Variants in DGKB observed in about 807,000 individuals in gnomAD.
DGKB encodes 90 kDa diacylglycerol kinase.
Under a neutral mutation model 114.3 loss-of-function variants are expected in DGKB, and 67 were observed. The observed-to-expected ratio is 0.59, with a 90% CI of 0.48 to 0.72. DGKB has a LOEUF of 0.72. Ranked by LOEUF, DGKB falls within the 30% of genes least tolerant of loss-of-function variation. The pLI, the probability that DGKB is intolerant of heterozygous loss-of-function variation, is 0.00. For missense variants in DGKB, 907 were observed against 975.2 expected (o/e 0.93, Z 0.93); for synonymous variants, 398 against 323.1 (o/e 1.23, Z -2.49).
chr7:14,676,579 T>A (rs1819895647), intron 12 of DGKB, among the ~76,000 whole-genome samples: 1 of 151,914 alleles, frequency 6.6e-6, no homozygotes, highest in African/African-American at 2.4e-5. Context: ...AAATTAAAAA[T>A]AAAAAAATTA....
Position 14,794,647 on chromosome 7 carries a change from G to A in DGKB, c.71-36916C>T, listed in dbSNP as rs1354900899. Among the ~76,000 whole-genome samples the A allele has an allele frequency of 3.3e-5, 5 of 152,138 alleles. 1 individual carries two copies. The East Asian group carries it at 9.6e-4, about 29-fold the overall frequency. ...GAAATTGTCAAAAATCCAAAGCAGA[G>A]CATTATCTTGCAACTGGCTGAATTA... On this transcript the variant is annotated intron_variant, in intron 2 of 25. Transcript: ENST00000402815.
At chr7:14,538,988 G>A (rs569627013) in intron 20 of DGKB, among the ~76,000 whole-genome samples, 2 of 152,202 alleles carry the variant, frequency 1.3e-5, no homozygotes, top group Admixed American at 6.5e-5. Flanking sequence ...GGTGGGATAT[G>A]GGGAGCTGTT....
intron 20 of DGKB, among the ~76,000 whole-genome samples, chr7:14,560,753 C>G (rs547732568): frequency 6.6e-6 from 1 of 152,124 alleles, no homozygotes; most frequent in Non-Finnish European, 1.5e-5. Context: ...TACAACAGTT[C>G]TATTTTTCAT....
chr7:14,918,112 A>G (rs1784329086), intron 1 of DGKB, among the ~76,000 whole-genome samples: 1 of 152,186 alleles, frequency 6.6e-6, no homozygotes, highest in African/African-American at 2.4e-5. Flanking sequence ...TATTTGATAA[A>G]GAATATCTAC....
chr7:14,425,304 A>G (rs564646271), intron 21 of DGKB, among the ~76,000 whole-genome samples: 2 of 152,222 alleles, frequency 1.3e-5, no homozygotes, highest in African/African-American at 4.8e-5. Context: ...GAATCTTTGC[A>G]ATGTACCATT....
intron 6 of DGKB, among the ~76,000 whole-genome samples, chr7:14,707,344 G>C (rs900575389): frequency 3.4e-4 from 51 of 150,206 alleles, no homozygotes; most frequent in Middle Eastern, 6.9e-3. Flanking sequence ...CAACCAAAAA[G>C]AGTCCAGGGC....
chr7:14,262,266 T>C (rs955231896), intron 23 of DGKB, among the ~76,000 whole-genome samples: 2 of 152,198 alleles, frequency 1.3e-5, no homozygotes, highest in African/African-American at 4.8e-5. Flanking sequence ...TTTGAATGTT[T>C]ATGTCCCCTC....
chr7:14,271,821 G>C (rs1238949869), intron 23 of DGKB, among the ~76,000 whole-genome samples: 1 of 152,134 alleles, frequency 6.6e-6, no homozygotes, highest in Non-Finnish European at 1.5e-5. Context: ...GGTGCCAAGG[G>C]GGCGAGGGTA....
chr7:14,795,778 T>C (rs1020145752), intron 2 of DGKB, among the ~76,000 whole-genome samples: 4 of 152,312 alleles, frequency 2.6e-5, no homozygotes, highest in African/African-American at 9.6e-5. Context: ...GGACTAGGCT[T>C]ACTGATTATG....
At chr7:14,790,212 T>G (rs1840473490) in intron 2 of DGKB, among the ~76,000 whole-genome samples, 1 of 152,206 alleles carries the variant, frequency 6.6e-6, no homozygotes, top group Non-Finnish European at 1.5e-5. Flanking sequence ...TTTATATGTG[T>G]TTTCCAAGTA....
chr7:14,923,922 G>A (rs2128248150), intron 1 of DGKB, among the ~76,000 whole-genome samples: 1 of 145,792 alleles, frequency 6.9e-6, no homozygotes, highest in East Asian at 2.3e-4. Context: ...TTGAACCCGG[G>A]AGGCGGAGGT....
At chr7:14,568,999 G>A (rs752408085) in intron 20 of DGKB, among the ~76,000 whole-genome samples, 10 of 152,096 alleles carry the variant, frequency 6.6e-5, no homozygotes, top group Admixed American at 2.0e-4. Context: ...CATCCCATAT[G>A]CTTTAAATCC....
At chr7:14,904,462 A>G (rs576777120), upstream of DGKB, among the ~76,000 whole-genome samples, 4 of 152,310 alleles carry the variant, frequency 2.6e-5, no homozygotes, top group South Asian at 4.1e-4. Flanking sequence ...GAAAGAAAAT[A>G]TAAGAAAAGA....
At chr7:14,372,809 T>G (rs1296786580) in intron 21 of DGKB, among the ~76,000 whole-genome samples, 1 of 152,188 alleles carries the variant, frequency 6.6e-6, no homozygotes, top group East Asian at 1.9e-4. Context: ...AAGGATTTAT[T>G]CAAGTTTATC....
intron 4 of DGKB, among the ~76,000 whole-genome samples, chr7:14,737,172 G>A (rs1342627677): frequency 6.6e-6 from 1 of 151,972 alleles, no homozygotes; most frequent in Non-Finnish European, 1.5e-5. Flanking sequence ...CTATCCAGTA[G>A]GGCATTTGAA....
chr7:14,342,276 C>CA (rs1562971055), intron 22 of DGKB, among the ~76,000 whole-genome samples: 1 of 151,738 alleles, frequency 6.6e-6, no homozygotes, highest in Non-Finnish European at 1.5e-5. Flanking sequence ...CCCTGTCAAC[C>CA]AAAAGACTGA....
intron 23 of DGKB, among the ~76,000 whole-genome samples, chr7:14,320,562 CAT>C (rs147726764): frequency 0.036 from 5,429 of 151,168 alleles, 299 homozygotes; most frequent in African/African-American, 0.12. Context: ...CTATATAGTA[CAT>C]ATATATATGT....
At chr7:14,209,637 GA>G (rs796540144) in intron 23 of DGKB, 4 of 376,886 alleles carry the variant, frequency 1.1e-5, no homozygotes, top group Admixed American at 7.7e-5. Flanking sequence ...CCCATTTGAA[GA>G]AAAAAAGAAG....
intron 23 of DGKB, among the ~76,000 whole-genome samples, chr7:14,197,160 T>C (rs1278060967): frequency 1.3e-5 from 2 of 152,112 alleles, no homozygotes; most frequent in Non-Finnish European, 2.9e-5. Flanking sequence ...GTACAAACTT[T>C]GCCAATATAT....
Sources: allele counts gnomAD v4.1 joint callset (sites outside exome capture counted in the v4.1 genomes callset), GRCh38; gene constraint gnomAD v4.1.1; transcripts MANE v1.5; gene names NCBI Gene and HGNC (gene_info 2026-07-23, HGNC 2026-07-21).